The following CACNA1H variants were observed in gnomAD, a reference collection of about 807,000 sequenced individuals.
CACNA1H encodes the protein voltage-dependent T-type calcium channel subunit alpha-1H.
A neutral mutation model predicts 192.5 loss-of-function variants in CACNA1H; 149 were observed. The observed-to-expected ratio is 0.77, with a 90% CI of 0.68 to 0.89. The LOEUF is 0.89. Among genes scored for constraint, CACNA1H ranks in the 40% least tolerant of loss-of-function variants. CACNA1H has a pLI of 0.00. For missense variants in CACNA1H, 4,257 were observed against 3,423.5 expected, an observed-to-expected ratio of 1.24 and a Z score of -6.08; for synonymous variants, 2,202 against 1,475.2, an observed-to-expected ratio of 1.49 and a Z score of -11.29.
chr16:1,215,499 C>T (rs1438739264), intron 29 of CACNA1H, 24 bp from the exon 30 acceptor site: 5 of 1,608,262 alleles, frequency 3.1e-6, no homozygotes, highest in Non-Finnish European at 4.2e-6. Flanking sequence ...CCCAGCCCTG[C>T]TGACGCTCAG....
At chr16:1,208,754 G>A (rs116221764) in intron 16 of CACNA1H, among the ~76,000 whole-genome samples, 284 of 152,244 alleles carry the variant, frequency 1.9e-3, no homozygotes, top group African/African-American at 5.4e-3. Flanking sequence ...CTGGGGACAC[G>A]GGGGCCACCC....
intron 2 of CACNA1H, among the ~76,000 whole-genome samples, chr16:1,189,563 C>T (rs554232936): frequency 2.0e-5 from 3 of 151,858 alleles, no homozygotes; most frequent in Admixed American, 6.6e-5. Flanking sequence ...CACCGCACCC[C>T]AAAATTTAAT....
chr16:1,186,262 A>G (rs570141708), intron 2 of CACNA1H, among the ~76,000 whole-genome samples: 2 of 151,914 alleles, frequency 1.3e-5, no homozygotes, highest in African/African-American at 4.8e-5. Context: ...GGTGTTTTGA[A>G]TAAGAATGCG....
intron 2 of CACNA1H, 31 bp from the exon 3 acceptor site, chr16:1,194,941 C>G: frequency 1.9e-6 from 3 of 1,541,354 alleles, no homozygotes; most frequent in Non-Finnish European, 2.7e-6. Flanking sequence ...TCCCGGGCCG[C>G]GCCGGTGTGC....
At position 1,201,949 on chromosome 16, in the gene CACNA1H, C is replaced by G; in HGVS notation, c.1499C>G (p.Pro500Arg). 1.3e-6 allele frequency: 2 copies of G among 1,546,910 alleles called. No individual in the cohort carries two copies. The highest frequency in any genetic ancestry group is 1.7e-6 in the Non-Finnish European group (2 of 1,145,120). Residue 500 changes from proline (P) to arginine (R), a missense_variant, in exon 9 of 35, where the codon CCC becomes CGC. Pro to Arg is a moderately radical substitution (Grantham distance 103). Transcript: ENST00000348261. ...VDPSAVQGQG[P>R]GHRQRRAGRH... ...CCCAGTGCTGTGCAAGGCCAGGGTC[C>G]CGGGCACCGCCAGCGCCGGGCAGGC... is the stretch of plus-strand genomic sequence containing the variant.
At chr16:1,168,192 AT>A (rs112358266) in intron 2 of CACNA1H, among the ~76,000 whole-genome samples, 4,774 of 149,032 alleles carry the variant, frequency 0.032, 246 homozygotes, top group African/African-American at 0.11. Context: ...TTGATGTGGG[AT>A]CCCCCCCCCC....
In CACNA1H at chr16:1,210,458, G is replaced by A. The variant is rs1056947025; in HGVS notation, c.3934G>A (p.Ala1312Thr). ...VFIFLNCVTI[A>T]LERPDIDPGS... is the part of the protein sequence containing the mutation. ...CATCTTCCTCAACTGCGTCACCATC[G>A]CCCTGGAGAGGCCTGACATTGATCC... is the stretch of plus-strand genomic sequence containing the variant. The change falls in exon 19 of 35, where the codon GCC (alanine) becomes ACC (threonine). Residue 1312 changes from alanine (A) to threonine (T), a missense_variant. Physicochemically the swap from Ala to Thr is moderately conservative, Grantham distance 58. Coordinates refer to ENST00000348261, the MANE Select transcript of CACNA1H (RefSeq NM_021098.3). 3.7e-6 allele frequency: 6 copies of A among 1,611,212 alleles called. No individual in the cohort carries two copies. Among genetic ancestry groups the A allele is most frequent in the Admixed American group, 3.3e-5 (2 of 59,814 alleles).
rs1240330173 is a variant in CACNA1H, at chr16:1,167,759, C to T, written c.299+13723C>T. 6.6e-6 allele frequency among the ~76,000 whole-genome samples: 1 copy of T among 152,198 alleles called. No individual in the cohort carries two copies. Among genetic ancestry groups the T allele is most frequent in the South Asian group, 2.1e-4 (1 of 4,826 alleles). On this transcript the variant is annotated intron_variant, in intron 2 of 34. Transcript: ENST00000348261. The surrounding 1 kb of genome is among the most constrained non-coding windows in gnomAD (Gnocchi z 4.2). ...AAGGAGCCCACCCCTCCTTCAGGGA[C>T]ACACCCAGACACGGGAAACGGGACA...
intron 2 of CACNA1H, among the ~76,000 whole-genome samples, chr16:1,188,542 C>G (rs933861191): frequency 6.6e-5 from 10 of 152,224 alleles, no homozygotes; most frequent in African/African-American, 2.4e-4. Flanking sequence ...CGCAGACACT[C>G]CCCCTCACCC....
intron 8 of CACNA1H, 26 bp downstream of exon 8, chr16:1,200,834 A>T: frequency 6.7e-7 from 1 of 1,482,590 alleles, no homozygotes; most frequent in East Asian, 2.6e-5. Context: ...AGTGTTCGCC[A>T]TGATGGGCCC....
Position 1,221,050 on chromosome 16 carries a change from G to T in CACNA1H, c.*56G>T. The T allele has an allele frequency of 7.4e-7, 1 of 1,360,306 alleles. No homozygotes were observed. Among genetic ancestry groups the T allele is most frequent in the South Asian group, 1.5e-5 (1 of 68,660 alleles). 84.3% of individuals were successfully genotyped at this position (1,360,306 alleles called of 1,614,324 possible). On this transcript the variant is annotated 3_prime_UTR_variant, in exon 35 of 35. Coordinates refer to ENST00000348261, the MANE Select transcript of CACNA1H (RefSeq NM_021098.3). The stretch of plus-strand genomic sequence containing the variant: ...CCCTGGGGTCTGGGGGCCCCGCTGG[G>T]GTGGAGGCCCAGGCAGAACCCTGCA...
chr16:1,191,482 T>G (rs1397553734), intron 2 of CACNA1H, among the ~76,000 whole-genome samples: 1 of 67,378 alleles, frequency 1.5e-5, no homozygotes, highest in Non-Finnish European at 2.8e-5. Context: ...CCTGGCTGTG[T>G]GGCCTCAGGC....
chr16:1,156,112 G>C (rs1374011569), intron 2 of CACNA1H, among the ~76,000 whole-genome samples: 3 of 152,160 alleles, frequency 2.0e-5, no homozygotes, highest in African/African-American at 7.2e-5. Context: ...TCCCTTGCTT[G>C]GAGCACTGGG....
At chr16:1,160,703 G>A (rs542994721) in intron 2 of CACNA1H, among the ~76,000 whole-genome samples, 3 of 152,314 alleles carry the variant, frequency 2.0e-5, no homozygotes, top group East Asian at 1.9e-4. Flanking sequence ...GAGAGCCCCC[G>A]GGTTTGATGA....
At chr16:1,178,954 C>A (rs1227078030) in intron 2 of CACNA1H, among the ~76,000 whole-genome samples, 2 of 152,216 alleles carry the variant, frequency 1.3e-5, no homozygotes, top group Admixed American at 6.5e-5. Context: ...AGCAGGCTGG[C>A]CCCGTGCCCC....
intron 2 of CACNA1H, among the ~76,000 whole-genome samples, chr16:1,184,823 C>T (rs1965821007): frequency 6.6e-6 from 1 of 152,240 alleles, no homozygotes; most frequent in South Asian, 2.1e-4. Context: ...GGGAAGCTGC[C>T]ATTTAAAGGC....
In CACNA1H at chr16:1,207,503, G is replaced by A. The variant is rs1039793124; in HGVS notation, c.3063+73G>A. The stretch of plus-strand genomic sequence containing the variant: ...GAGACGGGCTTCAGGTCGAGGGGAG[G>A]GGTGTGGGGGGCCTGCCAAGAGGTG... On this transcript the variant is annotated intron_variant, in intron 14 of 34. Coordinates refer to ENST00000348261, the MANE Select transcript of CACNA1H (RefSeq NM_021098.3). 1.9e-5 allele frequency: 28 copies of A among 1,486,846 alleles called. No individual in the cohort carries two copies. In the African/African-American group the frequency reaches 2.7e-4, roughly 15 times the overall value. 92.1% of individuals were successfully genotyped at this position (1,486,846 alleles called of 1,614,324 possible).
At chr16:1,204,854 T>G (rs1390125035) in intron 10 of CACNA1H, among the ~76,000 whole-genome samples, 13 of 41,996 alleles carry the variant, frequency 3.1e-4, no homozygotes, top group Non-Finnish European at 2.7e-4. Context: ...CGGGGAGGGG[T>G]GGGAGCCGCG....
intron 34 of CACNA1H, 100 bp downstream of exon 34, chr16:1,219,230 G>A: frequency 1.6e-6 from 2 of 1,241,100 alleles, no homozygotes; most frequent in East Asian, 2.6e-5. Flanking sequence ...GGACAAGGCA[G>A]GAGGAGGGTC....
Sources: gnomAD v4.1 joint callset for allele counts (sites outside exome capture counted in the v4.1 genomes callset) on GRCh38, gnomAD v4.1.1 for gene constraint, Gnocchi (gnomAD v3.1) non-coding constraint, MANE v1.5 for transcripts, NCBI Gene and HGNC (gene_info 2026-07-23, HGNC 2026-07-21) for gene names.